Variants in ODAD2 observed in about 807,000 individuals in gnomAD.
ODAD2 encodes the protein outer dynein arm-docking complex subunit 2.
A neutral mutation model predicts 106.8 loss-of-function variants in ODAD2; 89 were observed. The ratio of observed to expected loss-of-function variants is 0.83; its 90% CI spans 0.70 to 0.99. The LOEUF is 0.99. ODAD2 is among the 50% of genes least tolerant of loss of function. ODAD2 has a pLI of 0.00. For missense variants in ODAD2, 1,168 were observed against 1,238.5 expected, an observed-to-expected ratio of 0.94 and a Z score of 0.85; for synonymous variants, 404 against 436.2, an observed-to-expected ratio of 0.93 and a Z score of 0.92.
intron 1 of ODAD2, among the ~76,000 whole-genome samples, chr10:27,998,099 C>A (rs557495334): frequency 6.6e-6 from 1 of 152,304 alleles, no homozygotes; most frequent in Non-Finnish European, 1.5e-5. Context: ...ATCGTTAACA[C>A]TTAAACAGAA....
intron 17 of ODAD2, among the ~76,000 whole-genome samples, chr10:27,886,203 A>C (rs1358027863): frequency 6.6e-6 from 1 of 151,728 alleles, no homozygotes; most frequent in East Asian, 1.9e-4. Context: ...GACAAACAAA[A>C]AGATAATCAC....
rs1311828754 is a variant in ODAD2 at position 27,935,217 on chromosome 10, C to A, written c.2288G>T (p.Gly763Val). ...REYKAIETLV[G>V]LLTDQPEEVL... ...TTCTTCAGGCTGATCTGTTAGAAGT[C>A]CCACCAAGGTTTCAATGGCTTTGTA... is the stretch of plus-strand genomic sequence containing the variant. The change falls in exon 16 of 20, where the codon GGA becomes GTA. Residue 763 changes from glycine to valine, a missense_variant. Physicochemically the swap from Gly to Val is moderately radical, Grantham distance 109. Around this residue, in one of 3 missense-constraint regions of ODAD2, gnomAD observed 701 missense variants for 712.3 expected, o/e 0.98. Coordinates refer to ENST00000305242, the MANE Select transcript of ODAD2 (RefSeq NM_018076.5). 1 of 1,613,934 alleles carries A rather than the reference C, an allele frequency of 6.2e-7. No individual in the cohort carries two copies. Among genetic ancestry groups the A allele is most frequent in the South Asian group, 1.1e-5 (1 of 91,074 alleles).
At chr10:27,830,553 T>C (rs1037896526) in intron 19 of ODAD2, among the ~76,000 whole-genome samples, 1 of 152,226 alleles carries the variant, frequency 6.6e-6, no homozygotes, top group Non-Finnish European at 1.5e-5. Context: ...AAATTTCAAA[T>C]TATGTGGCAA....
At chr10:27,985,854 T>C (rs1247643373) in intron 3 of ODAD2, among the ~76,000 whole-genome samples, 6 of 151,730 alleles carry the variant, frequency 4.0e-5, no homozygotes, top group Admixed American at 3.9e-4. Flanking sequence ...TCAAGGCTGA[T>C]ACAGATGTGA....
chr10:27,821,931 T>C (rs1410702218), intron 19 of ODAD2, among the ~76,000 whole-genome samples: 5 of 152,202 alleles, frequency 3.3e-5, no homozygotes, highest in African/African-American at 7.2e-5. Flanking sequence ...GAGTTTCATA[T>C]ATACACTGAA....
At chr10:27,846,997 A>C (rs952512389) in intron 19 of ODAD2, among the ~76,000 whole-genome samples, 20 of 152,366 alleles carry the variant, frequency 1.3e-4, no homozygotes, top group African/African-American at 4.8e-4. Flanking sequence ...CAGAAGTACA[A>C]GGAGGAGCGG....
intron 19 of ODAD2, among the ~76,000 whole-genome samples, chr10:27,828,703 A>G (rs1169190226): frequency 6.6e-6 from 1 of 152,212 alleles, no homozygotes; most frequent in East Asian, 1.9e-4. Context: ...TTATATAAAG[A>G]AGCTTTCCAT....
At chr10:27,830,306 T>C (rs1174913195) in intron 19 of ODAD2, among the ~76,000 whole-genome samples, 1 of 152,172 alleles carries the variant, frequency 6.6e-6, no homozygotes, top group Non-Finnish European at 1.5e-5. Context: ...CACACAAATC[T>C]GCTCAATCTG....
At chr10:27,940,139 C>T (rs1846288047) in intron 13 of ODAD2, 132 bp from the exon 14 acceptor site, 1 of 600,590 alleles carries the variant, frequency 1.7e-6, no homozygotes, top group Non-Finnish European at 2.8e-6. Context: ...CATATCCCTA[C>T]ATCAATAAGA....
At chr10:27,884,091 TAGA>T (rs1841919367) in intron 17 of ODAD2, among the ~76,000 whole-genome samples, 2 of 152,098 alleles carry the variant, frequency 1.3e-5, no homozygotes, top group Non-Finnish European at 2.9e-5. Flanking sequence ...GAATTTTATG[TAGA>T]ATATACTCAA....
At chr10:27,841,728 T>C (rs116446960) in intron 19 of ODAD2, among the ~76,000 whole-genome samples, 4,188 of 152,054 alleles carry the variant, frequency 0.028, 188 homozygotes, top group African/African-American at 0.097. Context: ...CCTGTCCCTA[T>C]ACACCTCCAA....
At chr10:27,898,940 A>G (rs1354412390) in intron 17 of ODAD2, among the ~76,000 whole-genome samples, 1 of 152,122 alleles carries the variant, frequency 6.6e-6, no homozygotes, top group African/African-American at 2.4e-5. Context: ...AAAATATTAT[A>G]TTTAGGATGA....
At chr10:27,900,817 A>G (rs1044294790) in intron 17 of ODAD2, among the ~76,000 whole-genome samples, 23 of 152,216 alleles carry the variant, frequency 1.5e-4, no homozygotes, top group Admixed American at 3.3e-4. Flanking sequence ...GACTATGTGA[A>G]AAGACCAAAC....
chr10:27,840,969 A>G (rs1389209082), intron 19 of ODAD2, among the ~76,000 whole-genome samples: 3 of 152,234 alleles, frequency 2.0e-5, no homozygotes, highest in African/African-American at 7.2e-5. Context: ...GGTACAGTGA[A>G]GATTAAATGA....
intron 17 of ODAD2, among the ~76,000 whole-genome samples, chr10:27,882,811 A>T (rs996875994): frequency 6.6e-5 from 10 of 152,052 alleles, no homozygotes; most frequent in African/African-American, 2.4e-4. Flanking sequence ...CTGTATGGCA[A>T]TTCCTAGGAA....
chr10:27,914,579 AAT>A, intron 16 of ODAD2, among the ~76,000 whole-genome samples: 1 of 152,222 alleles, frequency 6.6e-6, no homozygotes, highest in South Asian at 2.1e-4. Context: ...ATAAAGGCAG[AAT>A]ATATGTTTAA....
intron 16 of ODAD2, among the ~76,000 whole-genome samples, chr10:27,933,716 T>A (rs920039287): frequency 2.6e-5 from 4 of 152,198 alleles, no homozygotes; most frequent in Non-Finnish European, 5.9e-5. Flanking sequence ...TTTATAAGAT[T>A]CTAATGAATA....
intron 9 of ODAD2, 110 bp from the exon 10 acceptor site, chr10:27,961,825 G>A (rs1235352573): frequency 9.0e-6 from 8 of 893,336 alleles, no homozygotes; most frequent in Non-Finnish European, 1.2e-5. Context: ...AGTGCTTTGG[G>A]AGGCTGAGGT....
intron 14 of ODAD2, 133 bp downstream of exon 14, chr10:27,939,764 T>TA (rs974069939): frequency 2.7e-5 from 13 of 481,728 alleles, no homozygotes; most frequent in Non-Finnish European, 3.9e-5. Flanking sequence ...AATTAAAACT[T>TA]AAAAAAATCA....
Sources: gnomAD v4.1 joint callset for allele counts (sites outside exome capture counted in the v4.1 genomes callset) on GRCh38, gnomAD v4.1.1 for gene constraint, gnomAD v4.1.1 regional missense constraint, MANE v1.5 for transcripts, NCBI Gene and HGNC (gene_info 2026-07-23, HGNC 2026-07-21) for gene names.